Variants in NELL1 observed in about 807,000 individuals in gnomAD.
NELL1 encodes the protein neural EGFL like 1, also known as protein kinase C-binding protein NELL1.
A neutral mutation model predicts 107.4 loss-of-function variants in NELL1; 76 were observed. The ratio of observed to expected loss-of-function variants is 0.71; its 90% CI spans 0.59 to 0.86. NELL1 has a LOEUF of 0.86. NELL1 is among the 40% of genes least tolerant of loss of function. The probability of loss-of-function intolerance (pLI) is 0.00; values close to 1 mark genes in which losing one functional copy is unlikely to be tolerated. For missense variants in NELL1, 1,024 were observed against 1,005.5 expected, an observed-to-expected ratio of 1.02 and a Z score of -0.25; for synonymous variants, 353 against 341.2, an observed-to-expected ratio of 1.03 and a Z score of -0.38.
chr11:21,519,999 A>AAACAAC (rs925608425), intron 15 of NELL1, among the ~76,000 whole-genome samples: 3 of 152,136 alleles, frequency 2.0e-5, no homozygotes, highest in Non-Finnish European at 4.4e-5. Context: ...GCTTTGGGAA[A>AAACAAC]AACAACAACA....
intron 16 of NELL1, among the ~76,000 whole-genome samples, chr11:21,554,502 A>G (rs886149476): frequency 6.6e-6 from 1 of 151,846 alleles, no homozygotes; most frequent in Non-Finnish European, 1.5e-5. Context: ...GCATCATAAG[A>G]GATCAGGAGT....
In NELL1 at chr11:21,239,628, T is replaced by C. The variant is rs563950520; in HGVS notation, c.1549+10174T>C. Among the ~76,000 whole-genome samples, 4 of 152,118 alleles carry C rather than the reference T, an allele frequency of 2.6e-5. No homozygotes were observed. In the South Asian group the frequency reaches 8.3e-4, roughly 31 times the overall value. On this transcript the variant is annotated intron_variant, in intron 14 of 19. Transcript: ENST00000357134. ...TCAGGATCACTTTGTTCCAGAAAAA[T>C]GGAATAGTACCCTACCACTGCTTGT...
chr11:21,359,090 T>C lies in NELL1; in HGVS notation c.1550-11763T>C, dbSNP rs1260373475. 2.0e-5 allele frequency among the ~76,000 whole-genome samples: 3 copies of C among 152,186 alleles called. No homozygotes were observed. In the East Asian group the frequency reaches 5.8e-4, roughly 29 times the overall value. On this transcript the variant is annotated intron_variant, in intron 14 of 19. Transcript: ENST00000357134. Reference sequence around the variant, plus strand: ...GGGAATGCTTTCAACATTTCCCTTTTGAGTGTAATGTTGGGTATGGGTTTG... The same window carrying C: ...GGGAATGCTTTCAACATTTCCCTTTCGAGTGTAATGTTGGGTATGGGTTTG...
Position 20,755,563 on chromosome 11 carries a change from T to TA in NELL1, c.185-28117_185-28116insA, listed in dbSNP as rs1590264055. Among the ~76,000 whole-genome samples the TA allele has an allele frequency of 1.6e-4, 3 of 19,130 alleles. 1 individual carries two copies. In the South Asian group the frequency reaches 6.0e-3, roughly 38 times the overall value. The allele number at this position is 19,130 out of a possible 152,430, so 12.6% of individuals were successfully genotyped here. A position where few individuals can be genotyped will look rare whatever the true frequency, so the allele number is the denominator to read the frequency against. ...TTGTTTTTTTTTGTTTTTGTTTTTG[T>TA]TTTTTTTTTTTTGAGACAGAATCTG... is the stretch of plus-strand genomic sequence containing the variant. On this transcript the variant is annotated intron_variant, in intron 2 of 19. Coordinates refer to ENST00000357134, the MANE Select transcript of NELL1 (RefSeq NM_006157.5).
At chr11:21,455,677 T>A (rs1343171728) in intron 15 of NELL1, among the ~76,000 whole-genome samples, 1 of 152,072 alleles carries the variant, frequency 6.6e-6, no homozygotes, top group Non-Finnish European at 1.5e-5. Context: ...TCATCCATTT[T>A]GATTAAGATG....
At chr11:21,412,277 T>C (rs546941642) in intron 15 of NELL1, among the ~76,000 whole-genome samples, 2 of 152,196 alleles carry the variant, frequency 1.3e-5, no homozygotes, top group South Asian at 4.1e-4. Context: ...AGAAACATGA[T>C]AATGATTTTG....
chr11:21,121,020 G>T (rs911291405), intron 13 of NELL1, among the ~76,000 whole-genome samples: 4 of 152,062 alleles, frequency 2.6e-5, no homozygotes, highest in African/African-American at 9.7e-5. Context: ...TCACCTCAGG[G>T]TTGAATCACT....
chr11:21,068,129 A>C (rs1853924628), intron 12 of NELL1, among the ~76,000 whole-genome samples: 1 of 147,810 alleles, frequency 6.8e-6, no homozygotes, highest in Non-Finnish European at 1.5e-5. Flanking sequence ...ATAGATGGAG[A>C]TGTATTCATT....
chr11:20,843,546 C>CAAATATAAATATA (rs1848653558), intron 3 of NELL1, among the ~76,000 whole-genome samples: 1 of 143,194 alleles, frequency 7.0e-6, no homozygotes, highest in South Asian at 2.2e-4. Context: ...TTGAATATAT[C>CAAATATAAATATA]TAGCCCTTCT....
At chr11:21,411,091 G>A (rs1442351389) in intron 15 of NELL1, among the ~76,000 whole-genome samples, 1 of 151,956 alleles carries the variant, frequency 6.6e-6, no homozygotes, top group Non-Finnish European at 1.5e-5. Flanking sequence ...TAACCTCAAG[G>A]GAGATATAGC....
chr11:21,393,170 A>G (rs1175251101), intron 15 of NELL1, among the ~76,000 whole-genome samples: 1 of 151,716 alleles, frequency 6.6e-6, no homozygotes, highest in Non-Finnish European at 1.5e-5. Context: ...AGGACCATCA[A>G]GATGCCACAG....
Position 21,146,249 on chromosome 11 carries a change from C to T in NELL1, c.1426+32535C>T, listed in dbSNP as rs1307702697. ...ACAGAAGAAAAAAAACATTTTATTC[C>T]TGAATAGTTAAAAAAAAAAATGACC... On this transcript the variant is annotated intron_variant, in intron 13 of 19. Coordinates refer to ENST00000357134, the MANE Select transcript of NELL1 (RefSeq NM_006157.5). Among the ~76,000 whole-genome samples the T allele has an allele frequency of 3.4e-5, 5 of 149,066 alleles. No homozygotes were observed. The East Asian group carries it at 1.0e-3, about 30-fold the overall frequency.
At chr11:21,338,644 C>T (rs1850490753) in intron 14 of NELL1, among the ~76,000 whole-genome samples, 1 of 152,152 alleles carries the variant, frequency 6.6e-6, no homozygotes, top group Non-Finnish European at 1.5e-5. Flanking sequence ...CAACATCATT[C>T]ATCCCTTGAA....
At chr11:21,404,013 C>CCT (rs1554905751) in intron 15 of NELL1, among the ~76,000 whole-genome samples, 4 of 115,134 alleles carry the variant, frequency 3.5e-5, no homozygotes, top group Non-Finnish European at 7.4e-5. Context: ...GAACCCCCCC[C>CCT]CCCGCAATCA....
chr11:21,395,632 G>A (rs990080844), intron 15 of NELL1, among the ~76,000 whole-genome samples: 6 of 151,346 alleles, frequency 4.0e-5, no homozygotes, highest in East Asian at 2.0e-4. Context: ...CAGTGGAATC[G>A]CTTCTATTAT....
intron 12 of NELL1, among the ~76,000 whole-genome samples, chr11:21,111,979 C>T (rs1855117702): frequency 6.6e-6 from 1 of 152,056 alleles, no homozygotes; most frequent in Non-Finnish European, 1.5e-5. Flanking sequence ...ATCTTAATGT[C>T]ACCATACTAC....
intron 5 of NELL1, among the ~76,000 whole-genome samples, chr11:20,913,844 G>C (rs986391718): frequency 1.4e-5 from 2 of 138,822 alleles, no homozygotes; most frequent in Non-Finnish European, 3.1e-5. Flanking sequence ...TAAGATTACG[G>C]GGGGCGGGGG....
chr11:20,916,206 T>C (rs1850252426), intron 5 of NELL1, among the ~76,000 whole-genome samples: 2 of 151,962 alleles, frequency 1.3e-5, no homozygotes, highest in Admixed American at 6.6e-5. Flanking sequence ...TTCTGTTTTT[T>C]GTTCAAGTCA....
At chr11:21,528,456 A>C (rs1424558489) in intron 15 of NELL1, among the ~76,000 whole-genome samples, 1 of 132,152 alleles carries the variant, frequency 7.6e-6, no homozygotes, top group Non-Finnish European at 1.7e-5. Context: ...AGTCTGGTTC[A>C]TCAGTTTCTC....
Sources: allele counts gnomAD v4.1 joint callset (sites outside exome capture counted in the v4.1 genomes callset), GRCh38; gene constraint gnomAD v4.1.1; transcripts MANE v1.5; gene names NCBI Gene and HGNC (gene_info 2026-07-23, HGNC 2026-07-21).